Variants in PGM5 observed in about 807,000 individuals in gnomAD.
The protein encoded by PGM5 is phosphoglucomutase 5.
PGM5 carries 23 observed loss-of-function variants against 59.2 expected under a neutral mutation model. The observed-to-expected ratio is 0.39, with a 90% CI of 0.28 to 0.55. The LOEUF (loss-of-function observed/expected upper bound fraction) is 0.55. PGM5 is among the 20% of genes least tolerant of loss of function. The pLI, the probability that PGM5 is intolerant of heterozygous loss-of-function variation, is 0.66. For synonymous variants in PGM5, 214 were observed against 286.0 expected (o/e 0.75, Z 2.54); for missense variants, 574 against 748.3 (o/e 0.77, Z 2.72).
intron 10 of PGM5, among the ~76,000 whole-genome samples, chr9:68,500,835 G>A (rs897118636): frequency 6.6e-6 from 1 of 152,122 alleles, no homozygotes; most frequent in South Asian, 2.1e-4. Context: ...AGGGCAAGTG[G>A]CTGTGATATT....
At chr9:68,398,884 T>C (rs7851710) in intron 6 of PGM5, among the ~76,000 whole-genome samples, 1,876 of 152,290 alleles carry the variant, frequency 0.012, 33 homozygotes, top group African/African-American at 0.043. Flanking sequence ...CGTTGAACAA[T>C]CCTTTAATAA....
chr9:68,432,788 G>A (rs868931275), intron 6 of PGM5, among the ~76,000 whole-genome samples: 16 of 152,176 alleles, frequency 1.1e-4, no homozygotes, highest in Middle Eastern at 6.8e-3. Flanking sequence ...GGTATTTTTA[G>A]TAGAAATGGG....
intron 9 of PGM5, chr9:68,498,885 G>A (rs1307016297): frequency 8.0e-6 from 2 of 249,178 alleles, no homozygotes; most frequent in Non-Finnish European, 7.9e-6. Context: ...ACAAACTTTG[G>A]CCCTAGGAAT....
At chr9:68,438,243 C>A (rs768362950) in intron 6 of PGM5, among the ~76,000 whole-genome samples, 2 of 140,858 alleles carry the variant, frequency 1.4e-5, no homozygotes, top group Admixed American at 7.4e-5. Flanking sequence ...GAGCCGAGAT[C>A]GCACCACTGC....
intron 1 of PGM5, among the ~76,000 whole-genome samples, chr9:68,370,866 T>G (rs1821683169): frequency 6.6e-6 from 1 of 152,232 alleles, no homozygotes; most frequent in South Asian, 2.1e-4. Context: ...TCCTTTCTAC[T>G]ATGTCTTGGT....
At chr9:68,398,644 C>T (rs1338547654) in intron 6 of PGM5, 3 of 152,328 alleles carry the variant, frequency 2.0e-5, no homozygotes, top group East Asian at 3.9e-4. Context: ...CCTCCTATAA[C>T]CAAACTGCAC....
In PGM5 at chr9:68,499,516, A is replaced by G. The variant is rs151306301; in HGVS notation, c.1614+155A>G. 1.3e-4 allele frequency among the ~76,000 whole-genome samples: 20 copies of G among 152,336 alleles called. No homozygotes were observed. In the East Asian group the frequency reaches 3.9e-3, roughly 29 times the overall value. ...CTCAGGGCAACTCCAAGCAAGTTTA[A>G]TTCGTTCATTACAGTGTTTGAAACA... On this transcript the variant is annotated intron_variant, in intron 10 of 10. Transcript: ENST00000396396.
At chr9:68,375,949 A>T (rs1311625851) in intron 1 of PGM5, among the ~76,000 whole-genome samples, 1 of 152,216 alleles carries the variant, frequency 6.6e-6, no homozygotes, top group East Asian at 1.9e-4. Context: ...CATGTTTGGT[A>T]TGTTTGAGGA....
At chr9:68,448,120 C>A (rs1554684122) in intron 6 of PGM5, among the ~76,000 whole-genome samples, 2 of 152,182 alleles carry the variant, frequency 1.3e-5, no homozygotes, top group African/African-American at 4.8e-5. Context: ...AATAGGTTGT[C>A]TTCTCCAGTA....
intron 10 of PGM5, among the ~76,000 whole-genome samples, chr9:68,511,535 T>C (rs1824749147): frequency 6.8e-6 from 1 of 147,946 alleles, no homozygotes; most frequent in African/African-American, 2.5e-5. Context: ...ACTAATGTTA[T>C]TGTTTTTGCC....
At chr9:68,466,274 T>G (rs782354266) in intron 7 of PGM5, 1,229 of 927,572 alleles carry the variant, frequency 1.3e-3, no homozygotes, top group Non-Finnish European at 1.4e-3. Flanking sequence ...CTGTGTGTTT[T>G]TTTTTTTTTT....
rs1823907895 is a variant in PGM5 at position 68,464,789 on chromosome 9, C to CTAAATTAAGATAT, written c.1044-304_1044-303insTAAATTAAGATAT. 3.3e-5 allele frequency among the ~76,000 whole-genome samples: 5 copies of CTAAATTAAGATAT among 152,106 alleles called. No homozygotes were observed. The South Asian group carries it at 1.0e-3, about 32-fold the overall frequency. The stretch of plus-strand genomic sequence containing the variant: ...CCTCTTAATTTAGATTCTGATATCC[C>CTAAATTAAGATAT]CACATGGACTCTTTCCAAAAAGATA... On this transcript the variant is annotated intron_variant, in intron 6 of 10. Transcript: ENST00000396396.
chr9:68,382,430 G>A (rs1331385802), intron 2 of PGM5, among the ~76,000 whole-genome samples: 1 of 151,724 alleles, frequency 6.6e-6, no homozygotes, highest in Admixed American at 6.6e-5. Flanking sequence ...TAGGGAAAAA[G>A]TTATTTGACA....
intron 8 of PGM5, among the ~76,000 whole-genome samples, 157 bp downstream of exon 8, chr9:68,479,710 G>A (rs968308695): frequency 2.6e-5 from 4 of 152,164 alleles, no homozygotes; most frequent in Non-Finnish European, 5.9e-5. Flanking sequence ...CGAGGTGGGC[G>A]GATCACGAGG....
intron 10 of PGM5, among the ~76,000 whole-genome samples, chr9:68,512,187 C>T (rs1554689416): frequency 6.6e-6 from 1 of 152,176 alleles, no homozygotes; most frequent in Non-Finnish European, 1.5e-5. Flanking sequence ...GGCTTGAACA[C>T]TGGAGTGGGT....
intron 7 of PGM5, among the ~76,000 whole-genome samples, chr9:68,476,331 A>G (rs1187324457): frequency 2.0e-5 from 3 of 152,054 alleles, no homozygotes; most frequent in African/African-American, 7.3e-5. Flanking sequence ...TCCATTGTCC[A>G]TTGAGGTTTC....
chr9:68,506,450 C>A (rs1824656423), intron 10 of PGM5, among the ~76,000 whole-genome samples: 1 of 152,184 alleles, frequency 6.6e-6, no homozygotes, highest in Non-Finnish European at 1.5e-5. Flanking sequence ...ATTCAAGAAT[C>A]GTCCTTTGCT....
At chr9:68,382,639 T>G (rs1822106876) in intron 2 of PGM5, among the ~76,000 whole-genome samples, 2 of 151,732 alleles carry the variant, frequency 1.3e-5, no homozygotes, top group South Asian at 4.1e-4. Flanking sequence ...CCTGTAGATT[T>G]GCCGTATCCT....
chr9:68,497,462 G>C (rs1824499636), intron 9 of PGM5: 3 of 152,050 alleles, frequency 2.0e-5, no homozygotes. Context: ...CACTCCAAAA[G>C]AAACTAAAGC....
Sources: gnomAD v4.1 joint callset for allele counts (sites outside exome capture counted in the v4.1 genomes callset) on GRCh38, gnomAD v4.1.1 for gene constraint, MANE v1.5 for transcripts, NCBI Gene and HGNC (gene_info 2026-07-23, HGNC 2026-07-21) for gene names.